TRPC3: variants seen among roughly 807,000 people sequenced by gnomAD.
TRPC3 encodes the protein transient receptor potential cation channel subfamily C member 3, also known as short transient receptor potential channel 3.
Under a neutral mutation model 90.9 loss-of-function variants are expected in TRPC3, and 54 were observed. The observed-to-expected ratio is 0.59, with a 90% CI of 0.48 to 0.75. The LOEUF (loss-of-function observed/expected upper bound fraction) is 0.75. TRPC3 is among the 30% of genes least tolerant of loss of function. The pLI, the probability that TRPC3 is intolerant of heterozygous loss-of-function variation, is 0.00. For missense variants in TRPC3, 918 were observed against 1,194.5 expected, an observed-to-expected ratio of 0.77 and a Z score of 3.41; for synonymous variants, 424 against 450.9, an observed-to-expected ratio of 0.94 and a Z score of 0.75.
At chr4:121,892,802 G>A (rs530366915) in intron 10 of TRPC3, among the ~76,000 whole-genome samples, 2 of 152,152 alleles carry the variant, frequency 1.3e-5, no homozygotes, top group South Asian at 4.2e-4. Flanking sequence ...CAGCAGACAA[G>A]CCCACCTTAA....
At chr4:121,892,744 A>G (rs1278652262) in intron 10 of TRPC3, among the ~76,000 whole-genome samples, 1 of 152,184 alleles carries the variant, frequency 6.6e-6, no homozygotes, top group Non-Finnish European at 1.5e-5. Context: ...AAGAAAACAC[A>G]ACATTATAAA....
At chr4:121,940,755 T>A (rs1730280859) in intron 1 of TRPC3, among the ~76,000 whole-genome samples, 2 of 152,228 alleles carry the variant, frequency 1.3e-5, no homozygotes, top group Admixed American at 1.3e-4. Flanking sequence ...TACTCATAAA[T>A]ATAGACACTT....
intron 2 of TRPC3, among the ~76,000 whole-genome samples, chr4:121,927,204 G>A (rs570390584): frequency 1.6e-4 from 25 of 152,296 alleles, no homozygotes; most frequent in African/African-American, 3.6e-4. Flanking sequence ...AAAATAATCC[G>A]TGAATCTTTA....
At chr4:121,880,350 G>A (rs1402542685) in intron 11 of TRPC3, among the ~76,000 whole-genome samples, 2 of 152,132 alleles carry the variant, frequency 1.3e-5, no homozygotes, top group African/African-American at 4.8e-5. Context: ...AGGCAAATAT[G>A]AAGTAAGGGA....
In TRPC3 at chr4:121,932,424, G is replaced by A. The variant is rs200018915; in HGVS notation, c.834C>T (p.His278=). 6.2e-7 allele frequency: 1 copy of A among 1,614,142 alleles called. No homozygotes were observed. Among genetic ancestry groups the A allele is most frequent in the Non-Finnish European group, 8.5e-7 (1 of 1,180,006 alleles). The change falls in exon 2 of 12, where the codon CAC becomes CAT. Residue 278 remains histidine (H), a synonymous_variant. Transcript: ENST00000379645. The surrounding 1 kb of genome is among the most constrained non-coding windows in gnomAD (Gnocchi z 7.7). ...KCGDCMEKQR[H]DSFSHSRSRI... is the part of the protein sequence containing the mutation. ...TCGAGCGTGAGTGGCTGAAGGAGTCGTGCCTCTGCTTCTCCATGCAGTCCC... is the reference window on the plus strand; with the variant it reads ...TCGAGCGTGAGTGGCTGAAGGAGTCATGCCTCTGCTTCTCCATGCAGTCCC...
intron 4 of TRPC3, among the ~76,000 whole-genome samples, chr4:121,913,929 T>C (rs968849177): frequency 2.6e-5 from 4 of 152,204 alleles, no homozygotes; most frequent in African/African-American, 9.7e-5. Flanking sequence ...CAGGATCACT[T>C]GTAAGTGCCC....
At chr4:121,904,886 G>A (rs998056748) in intron 7 of TRPC3, among the ~76,000 whole-genome samples, 1 of 152,132 alleles carries the variant, frequency 6.6e-6, no homozygotes, top group Non-Finnish European at 1.5e-5. Flanking sequence ...TTCTGTAGTA[G>A]AACAGGGTTG....
intron 1 of TRPC3, among the ~76,000 whole-genome samples, chr4:121,938,260 C>T (rs555819035): frequency 1.3e-5 from 2 of 152,286 alleles, no homozygotes; most frequent in African/African-American, 4.8e-5. Flanking sequence ...CACCTGGTTA[C>T]TCTAAAATGC....
intron 1 of TRPC3, among the ~76,000 whole-genome samples, chr4:121,937,628 T>G (rs1730174565): frequency 6.6e-6 from 1 of 152,218 alleles, no homozygotes; most frequent in South Asian, 2.1e-4. Flanking sequence ...TTAAAGAGAT[T>G]GTTCACCATA....
Position 121,932,411 on chromosome 4 carries a change from G to T in TRPC3, c.847C>A (p.His283Asn). The change falls in exon 2 of 12, where the codon CAC becomes AAC. Residue 283 changes from histidine (H) to asparagine (N), a missense_variant. Transcript: ENST00000379645. The surrounding 1 kb of genome is among the most constrained non-coding windows in gnomAD (Gnocchi z 7.7). The part of the protein sequence containing the change: ...MEKQRHDSFS[H>N]SRSRINAYKG... Reference sequence around the variant, plus strand: ...TAGGCATTGATCCTCGAGCGTGAGTGGCTGAAGGAGTCGTGCCTCTGCTTC... The same window carrying T: ...TAGGCATTGATCCTCGAGCGTGAGTTGCTGAAGGAGTCGTGCCTCTGCTTC... 6.2e-7 allele frequency: 1 copy of T among 1,614,196 alleles called. No homozygotes were observed. Among genetic ancestry groups the T allele is most frequent in the Middle Eastern group, 1.6e-4 (1 of 6,062 alleles).
At position 121,907,298 on chromosome 4, in the gene TRPC3, C is replaced by T. The variant is rs750768607; in HGVS notation, c.2057+5G>A. On this transcript the variant is annotated splice_donor_5th_base_variant and intron_variant, in intron 7 of 11. Coordinates refer to ENST00000379645, the MANE Select transcript of TRPC3 (RefSeq NM_001130698.2). The stretch of plus-strand genomic sequence containing the variant: ...CATACCTGTATAATAAGATATTTTA[C>T]TTACGTGGTAAAAGCAGCATTAACT... 1.9e-6 allele frequency: 3 copies of T among 1,601,292 alleles called. No individual in the cohort carries two copies. Among genetic ancestry groups the T allele is most frequent in the Non-Finnish European group, 8.5e-7 (1 of 1,175,628 alleles).
intron 5 of TRPC3, among the ~76,000 whole-genome samples, chr4:121,911,030 C>T (rs574019926): frequency 5.3e-5 from 8 of 152,190 alleles, no homozygotes; most frequent in Admixed American, 4.6e-4. Context: ...AACAACTTAA[C>T]AAATTGTCCA....
rs1730741902 is a variant in TRPC3 at position 121,951,397 on chromosome 4, G to A, written c.215+69C>T. On this transcript the variant is annotated intron_variant, in intron 1 of 11. Transcript: ENST00000379645. This position sits in a 1 kb window ranked among gnomAD's most constrained non-coding sequence, Gnocchi z 4.4. ...CGGGCTCGACGTGGAGCCGCCCGGCGCGCGCCTTCCCGCCCCCCGCCCGGC... is the reference window on the plus strand; with the variant it reads ...CGGGCTCGACGTGGAGCCGCCCGGCACGCGCCTTCCCGCCCCCCGCCCGGC... 1 of 1,057,246 alleles carries A rather than the reference G, an allele frequency of 9.5e-7. No individual in the cohort carries two copies. Among genetic ancestry groups the A allele is most frequent in the Non-Finnish European group, 1.2e-6 (1 of 856,624 alleles). The allele number at this position is 1,057,246 out of a possible 1,614,324, so 65.5% of individuals were successfully genotyped here.
chr4:121,935,580 T>C (rs1730104239), intron 1 of TRPC3, among the ~76,000 whole-genome samples: 1 of 152,202 alleles, frequency 6.6e-6, no homozygotes, highest in Non-Finnish European at 1.5e-5. Flanking sequence ...TTATGACTAT[T>C]AGTGGTACTG....
intron 10 of TRPC3, among the ~76,000 whole-genome samples, chr4:121,885,189 T>C (rs552710091): frequency 6.6e-6 from 1 of 152,284 alleles, no homozygotes; most frequent in South Asian, 2.1e-4. Context: ...CCTTTGTTCA[T>C]GTTGGAAAGA....
In TRPC3 at chr4:121,878,301, C is replaced by T. The variant is rs1727825408; in HGVS notation, c.*1435G>A. Among the ~76,000 whole-genome samples, 1 of 152,158 alleles carries T rather than the reference C, an allele frequency of 6.6e-6. No individual in the cohort carries two copies. Among genetic ancestry groups the T allele is most frequent in the Non-Finnish European group, 1.5e-5 (1 of 68,018 alleles). On this transcript the variant is annotated 3_prime_UTR_variant, in exon 12 of 12. Transcript: ENST00000379645. ...AAGAGCTTTATGTAGTTCCATTTAA[C>T]ACTTATTTCTGTCTTCATGTCTAAA...
chr4:121,914,190 T>C (rs183494446), intron 4 of TRPC3, among the ~76,000 whole-genome samples: 81 of 152,188 alleles, frequency 5.3e-4, no homozygotes, highest in Non-Finnish European at 9.6e-4. Context: ...AAATAAACAA[T>C]CTAAAAAAAT....
Position 121,921,618 on chromosome 4 carries a change from G to A in TRPC3, c.1176+3400C>T, listed in dbSNP as rs112588656. On this transcript the variant is annotated intron_variant, in intron 3 of 11. Transcript: ENST00000379645. ...GAATGGTTTCCTTGGTGGAATTATG[G>A]GTTGATTTGAATAAATATGAGTTTA... is the stretch of plus-strand genomic sequence containing the variant. Among the ~76,000 whole-genome samples the A allele has an allele frequency of 5.7e-3, 862 of 152,028 alleles. 11 individuals carry two copies. The highest frequency in any genetic ancestry group is 0.02 in the African/African-American group (824 of 41,484).
intron 1 of TRPC3, among the ~76,000 whole-genome samples, chr4:121,942,585 A>C (rs1438416139): frequency 1.3e-5 from 2 of 152,166 alleles, no homozygotes; most frequent in Non-Finnish European, 1.5e-5. Context: ...CAAACAAACA[A>C]ACAAAAAACT....
Sources: gnomAD v4.1 joint callset for allele counts (sites outside exome capture counted in the v4.1 genomes callset) on GRCh38, gnomAD v4.1.1 for gene constraint, Gnocchi (gnomAD v3.1) non-coding constraint, MANE v1.5 for transcripts, NCBI Gene and HGNC (gene_info 2026-07-23, HGNC 2026-07-21) for gene names.